The following KCNK9 variants were observed in gnomAD, a reference collection of about 807,000 sequenced individuals.
KCNK9 encodes potassium two pore domain channel subfamily K member 9.
KCNK9 carries 1 observed loss-of-function variant against 10.8 expected under a neutral mutation model. The observed-to-expected ratio is 0.09, with a 90% CI of 0.03 to 0.44. The LOEUF (loss-of-function observed/expected upper bound fraction) is 0.44. KCNK9 is among the 20% of genes least tolerant of loss of function. KCNK9 has a pLI of 0.97. For missense variants in KCNK9, 303 were observed against 515.0 expected (o/e 0.59, Z 3.98); for synonymous variants, 231 against 222.7 (o/e 1.04, Z -0.33).
At chr8:139,620,586 CTCAG>C (rs2130110177) in intron 1 of KCNK9, among the ~76,000 whole-genome samples, 1 of 152,224 alleles carries the variant, frequency 6.6e-6, no homozygotes, top group Admixed American at 6.5e-5. Context: ...TTGCCTGTGG[CTCAG>C]TCTGTCTGTC....
At position 139,668,027 on chromosome 8, in the gene KCNK9, G is replaced by A. The variant is rs140864933; in HGVS notation, c.283+34683C>T. 6.0e-4 allele frequency among the ~76,000 whole-genome samples: 91 copies of A among 152,284 alleles called. 1 individual carries two copies. The highest frequency in any genetic ancestry group is 2.0e-3 in the African/African-American group (83 of 41,552). ...TGTGTTTCTTACCAATTGAGTTTGT[G>A]GCAACCCTGCAGCAAGCAAGTCTAT... On this transcript the variant is annotated intron_variant, in intron 1 of 1. Coordinates refer to ENST00000520439, the MANE Select transcript of KCNK9 (RefSeq NM_001282534.2).
At chr8:139,642,997 T>C (rs115784988) in intron 1 of KCNK9, among the ~76,000 whole-genome samples, 1,985 of 152,116 alleles carry the variant, frequency 0.013, 48 homozygotes, top group African/African-American at 0.044. Flanking sequence ...GACCCCTCCC[T>C]CCACCGAGGC....
chr8:139,661,073 C>T (rs929694), intron 1 of KCNK9, among the ~76,000 whole-genome samples: 37,690 of 152,128 alleles, frequency 0.25, 5,020 homozygotes, highest in South Asian at 0.36. Flanking sequence ...TCAAACCCAG[C>T]GGGGCTGGAC....
At chr8:139,649,432 C>T (rs774136950) in intron 1 of KCNK9, among the ~76,000 whole-genome samples, 2 of 152,178 alleles carry the variant, frequency 1.3e-5, no homozygotes, top group Admixed American at 6.5e-5. Context: ...TCAGAATCAT[C>T]GGGTTGGGTT....
chr8:139,614,672 TAA>T (rs1814526479), downstream of KCNK9, among the ~76,000 whole-genome samples: 1 of 152,200 alleles, frequency 6.6e-6, no homozygotes, highest in Non-Finnish European at 1.5e-5. Flanking sequence ...TAAAAGAGTC[TAA>T]CAGGCTGAAG....
downstream of KCNK9, among the ~76,000 whole-genome samples, chr8:139,610,156 C>G (rs555482664): frequency 6.6e-6 from 1 of 152,328 alleles, no homozygotes; most frequent in African/African-American, 2.4e-5. Flanking sequence ...GCTTTGCACA[C>G]AGAGCTTCTC....
intron 1 of KCNK9, among the ~76,000 whole-genome samples, chr8:139,701,853 C>T (rs933710011): frequency 5.3e-5 from 8 of 152,350 alleles, no homozygotes; most frequent in East Asian, 1.9e-4. Context: ...GACCAGAGAC[C>T]CTGCTCTGTG....
chr8:139,626,883 G>A (rs974551458), intron 1 of KCNK9, among the ~76,000 whole-genome samples: 2 of 152,228 alleles, frequency 1.3e-5, no homozygotes, highest in African/African-American at 4.8e-5. Context: ...AGCTGCCCTT[G>A]GGCCTCAGGC....
intron 1 of KCNK9, among the ~76,000 whole-genome samples, chr8:139,666,782 G>T (rs370383902): frequency 3.3e-5 from 5 of 152,354 alleles, no homozygotes; most frequent in African/African-American, 1.2e-4. Context: ...CCAACATCTG[G>T]CTTGATTTTT....
chr8:139,633,056 G>A (rs1377995254), intron 1 of KCNK9, among the ~76,000 whole-genome samples: 1 of 152,150 alleles, frequency 6.6e-6, no homozygotes, highest in African/African-American at 2.4e-5. Flanking sequence ...TAGCAGTGGG[G>A]CGATCTGGCA....
At chr8:139,654,090 C>A (rs1299704201) in intron 1 of KCNK9, among the ~76,000 whole-genome samples, 1 of 152,236 alleles carries the variant, frequency 6.6e-6, no homozygotes, top group Admixed American at 6.5e-5. Flanking sequence ...GCCCCAGGAA[C>A]AGAGCTTTCC....
At chr8:139,691,595 A>G (rs558722258) in intron 1 of KCNK9, among the ~76,000 whole-genome samples, 2 of 152,210 alleles carry the variant, frequency 1.3e-5, no homozygotes, top group Non-Finnish European at 2.9e-5. Flanking sequence ...ACCATTATCT[A>G]TAGTTAGCCT....
At chr8:139,604,770 G>A (rs1252879741) in intron 2 of KCNK9, among the ~76,000 whole-genome samples, 1 of 152,128 alleles carries the variant, frequency 6.6e-6, no homozygotes, top group Admixed American at 6.5e-5. Context: ...GCCCTGGGTA[G>A]GCCCTGGGGG....
chr8:139,631,962 GA>G (rs2129635940), intron 1 of KCNK9, among the ~76,000 whole-genome samples: 1 of 152,372 alleles, frequency 6.6e-6, no homozygotes, highest in South Asian at 2.1e-4. Context: ...CTATGGGTCA[GA>G]AGAGCAAGAG....
intron 1 of KCNK9, among the ~76,000 whole-genome samples, chr8:139,639,640 A>G (rs1433449011): frequency 6.6e-6 from 1 of 152,206 alleles, no homozygotes; most frequent in Non-Finnish European, 1.5e-5. Flanking sequence ...CCCACATGTG[A>G]CACAAGAAAA....
At chr8:139,625,830 A>G (rs993614889) in intron 1 of KCNK9, among the ~76,000 whole-genome samples, 11 of 152,120 alleles carry the variant, frequency 7.2e-5, no homozygotes, top group African/African-American at 2.7e-4. Context: ...AGCTCCCCGA[A>G]AAACCAGCTG....
At chr8:139,673,015 T>C (rs1816470115) in intron 1 of KCNK9, among the ~76,000 whole-genome samples, 1 of 152,134 alleles carries the variant, frequency 6.6e-6, no homozygotes, top group African/African-American at 2.4e-5. Flanking sequence ...AACCAGAGGC[T>C]CAACCCACCT....
In KCNK9 at chr8:139,618,557, G is replaced by T; in HGVS notation, c.826C>A (p.Pro276Thr). The T allele has an allele frequency of 6.2e-7, 1 of 1,613,698 alleles. No homozygotes were observed. Among genetic ancestry groups the T allele is most frequent in the Non-Finnish European group, 8.5e-7 (1 of 1,179,868 alleles). ...GGCCGGCTGGGCCGCGGCTCCTCAG[G>T]GATGTGAATGACCATGCTGTTGCGG... ...GNRNSMVIHIPEEPRPSRPRY... is the reference protein window; with the variant it reads ...GNRNSMVIHITEEPRPSRPRY... The change falls in exon 2 of 2, where the codon CCT becomes ACT. Residue 276 changes from proline (P) to threonine (T), a missense_variant. Transcript: ENST00000520439. The surrounding 1 kb of genome is among the most constrained non-coding windows in gnomAD (Gnocchi z 7.9).
At chr8:139,641,623 C>G (rs1313699058) in intron 1 of KCNK9, among the ~76,000 whole-genome samples, 2 of 36,636 alleles carry the variant, frequency 5.5e-5, no homozygotes, top group African/African-American at 1.8e-4. Flanking sequence ...CCCCAGCGCT[C>G]TGGCCTGCCC....
Sources: gnomAD v4.1 joint callset for allele counts (sites outside exome capture counted in the v4.1 genomes callset) on GRCh38, gnomAD v4.1.1 for gene constraint, Gnocchi (gnomAD v3.1) non-coding constraint, MANE v1.5 for transcripts, NCBI Gene and HGNC (gene_info 2026-07-23, HGNC 2026-07-21) for gene names.